WNT7A: variants seen among roughly 807,000 people sequenced by gnomAD.
The protein encoded by WNT7A is Wnt family member 7A, also known as protein Wnt-7a.
WNT7A carries 16 observed loss-of-function variants against 28.2 expected under a neutral mutation model. That is an observed-to-expected ratio of 0.57 (90% confidence interval 0.38 to 0.86). The LOEUF (loss-of-function observed/expected upper bound fraction) is 0.86, where lower values mean the gene tolerates loss of function less well. WNT7A is among the 40% of genes least tolerant of loss of function. WNT7A has a pLI of 0.00. For synonymous variants in WNT7A, 190 were observed against 195.9 expected, an observed-to-expected ratio of 0.97 and a Z score of 0.25; for missense variants, 411 against 489.7, an observed-to-expected ratio of 0.84 and a Z score of 1.52.
chr3:13,863,217 C>T (rs1694860010), intron 2 of WNT7A, among the ~76,000 whole-genome samples: 3 of 152,188 alleles, frequency 2.0e-5, no homozygotes. Flanking sequence ...CTCCCAAGTT[C>T]CCTACTCTGA....
chr3:13,843,432 A>G (rs951028836), intron 3 of WNT7A, among the ~76,000 whole-genome samples: 1 of 152,136 alleles, frequency 6.6e-6, no homozygotes, highest in Non-Finnish European at 1.5e-5. Context: ...TGACTGCCCA[A>G]GGGCACACAG....
At chr3:13,846,336 G>A (rs1415007818) in intron 3 of WNT7A, among the ~76,000 whole-genome samples, 21 of 152,176 alleles carry the variant, frequency 1.4e-4, no homozygotes, top group Admixed American at 1.3e-3. Flanking sequence ...GGGGATAAAG[G>A]CATCTGAGTC....
At chr3:13,832,478 T>A (rs1020047537) in intron 3 of WNT7A, among the ~76,000 whole-genome samples, 1 of 150,952 alleles carries the variant, frequency 6.6e-6, no homozygotes, top group African/African-American at 2.4e-5. Flanking sequence ...CTCTTCCTCC[T>A]CCTCCCCCTC....
intron 3 of WNT7A, among the ~76,000 whole-genome samples, chr3:13,853,844 A>C (rs2124858000): frequency 6.6e-6 from 1 of 152,316 alleles, no homozygotes; most frequent in Middle Eastern, 3.4e-3. Flanking sequence ...GGGAGAGGGA[A>C]GCCACGTGTC....
chr3:13,843,406 T>C (rs1019651087), intron 3 of WNT7A, among the ~76,000 whole-genome samples: 3 of 152,162 alleles, frequency 2.0e-5, no homozygotes, highest in Non-Finnish European at 4.4e-5. Context: ...ATGAGGAAAC[T>C]GAGGCTTGAG....
chr3:13,874,288 A>G (rs62234581), intron 2 of WNT7A, among the ~76,000 whole-genome samples: 1 of 151,852 alleles, frequency 6.6e-6, no homozygotes, highest in African/African-American at 2.4e-5. Context: ...GGAGACCAGC[A>G]TTGCTCTCTC....
chr3:13,829,574 C>T lies in WNT7A; in HGVS notation c.571-10151G>A, dbSNP rs765615318. Among the ~76,000 whole-genome samples, 6 of 152,238 alleles carry T rather than the reference C, an allele frequency of 3.9e-5. 1 individual carries two copies. Among genetic ancestry groups the T allele is most frequent in the South Asian group, 4.2e-4 (2 of 4,816 alleles). ...GGCGCTGTGGGGCGGAAGGAGCCAT[C>T]GGATGGAGGTCCTGCTTCTGTCTGT... On this transcript the variant is annotated intron_variant, in intron 3 of 3. Coordinates refer to ENST00000285018, the MANE Select transcript of WNT7A (RefSeq NM_004625.4).
chr3:13,820,474 G>A (rs1041650413), intron 3 of WNT7A, among the ~76,000 whole-genome samples: 4 of 151,978 alleles, frequency 2.6e-5, no homozygotes, highest in African/African-American at 9.7e-5. Flanking sequence ...CTGAGGCAAG[G>A]GGCTTGGAGC....
intron 3 of WNT7A, among the ~76,000 whole-genome samples, chr3:13,845,234 C>T (rs568078183): frequency 3.9e-5 from 6 of 152,228 alleles, no homozygotes; most frequent in Non-Finnish European, 7.4e-5. Flanking sequence ...GAGCTTCCAC[C>T]GCAGCTAAGA....
chr3:13,857,582 A>C (rs1694766337), intron 2 of WNT7A, among the ~76,000 whole-genome samples: 1 of 152,120 alleles, frequency 6.6e-6, no homozygotes, highest in Non-Finnish European at 1.5e-5. Context: ...ATCCCCCTGC[A>C]TGCTCCAAGG....
chr3:13,841,392 C>G (rs191985911), intron 3 of WNT7A, among the ~76,000 whole-genome samples: 2 of 152,328 alleles, frequency 1.3e-5, no homozygotes, highest in African/African-American at 4.8e-5. Context: ...AGCAAGAATG[C>G]AGCCTCTGGA....
At chr3:13,846,855 C>G (rs1435304085) in intron 3 of WNT7A, among the ~76,000 whole-genome samples, 1 of 152,182 alleles carries the variant, frequency 6.6e-6, no homozygotes, top group Non-Finnish European at 1.5e-5. Flanking sequence ...GTGTTCAGCG[C>G]CTCCTCAGGG....
At chr3:13,821,730 TG>T (rs1689292547) in intron 3 of WNT7A, among the ~76,000 whole-genome samples, 1 of 152,180 alleles carries the variant, frequency 6.6e-6, no homozygotes, top group Non-Finnish European at 1.5e-5. Context: ...TGGATAGTAT[TG>T]TTTAGGAGCC....
intron 3 of WNT7A, among the ~76,000 whole-genome samples, chr3:13,821,713 A>G (rs2163911): frequency 0.7 from 107,137 of 152,072 alleles, 38,881 homozygotes; most frequent in East Asian, 0.89. Flanking sequence ...TCAAAGGCAG[A>G]CAAAACTGGA....
intron 2 of WNT7A, among the ~76,000 whole-genome samples, chr3:13,856,302 C>T (rs1017062964): frequency 4.6e-5 from 7 of 152,254 alleles, no homozygotes; most frequent in African/African-American, 1.7e-4. Context: ...AGAGTGCCAG[C>T]GCCTGCCTGA....
chr3:13,835,188 T>A (rs565292757), intron 3 of WNT7A, among the ~76,000 whole-genome samples: 1 of 152,064 alleles, frequency 6.6e-6, no homozygotes, highest in African/African-American at 2.4e-5. Context: ...GGCGGGGTCT[T>A]TGTCCTGATG....
In WNT7A at chr3:13,818,881, T is replaced by C; in HGVS notation, c.*63A>G. On this transcript the variant is annotated 3_prime_UTR_variant, in exon 4 of 4. Transcript: ENST00000285018. ...GCATCCTGCCAGGGAGCCCGCAGCT[T>C]GGAAACGGTCCAGTCCTCCCAGCAA... The C allele has an allele frequency of 6.6e-7, 1 of 1,517,386 alleles. No homozygotes were observed. Among genetic ancestry groups the C allele is most frequent in the Non-Finnish European group, 8.8e-7 (1 of 1,130,378 alleles). The allele number at this position is 1,517,386 out of a possible 1,614,324, so 94.0% of individuals were successfully genotyped here. A position where few individuals can be genotyped will look rare whatever the true frequency, so the allele number is the denominator to read the frequency against.
In WNT7A at chr3:13,875,100, G is replaced by T. The variant is rs1290597204; in HGVS notation, c.145C>A (p.Arg49=). Reference sequence around the variant, plus strand: ...TCGGGCCGGCTCTGGCAGATCGCCCGCTGTCTGGGAGCCAGGCCTGGGATC... The same window carrying T: ...TCGGGCCGGCTCTGGCAGATCGCCCTCTGTCTGGGAGCCAGGCCTGGGATC... The part of the protein sequence containing the change: ...NKIPGLAPRQ[R]AICQSRPDAI... The change falls in exon 2 of 4, where the codon CGG becomes AGG. Residue 49 remains arginine, a synonymous_variant. Transcript: ENST00000285018. 6.2e-7 allele frequency: 1 copy of T among 1,614,194 alleles called. No individual in the cohort carries two copies.
rs1246258357 is a variant in WNT7A, at chr3:13,819,181, G to A, written c.813C>T (p.Ile271=). The change falls in exon 4 of 4, where the codon ATC becomes ATT. Residue 271 remains isoleucine (I), a synonymous_variant. Transcript: ENST00000285018. ...RKPMDTDLVY[I]EKSPNYCEED... ...CCTCGCAGTAGTTGGGCGACTTCTC[G>A]ATGTACACCAGGTCCGTGTCCATGG... 2 of 1,614,238 alleles carry A rather than the reference G, an allele frequency of 1.2e-6. No homozygotes were observed. The highest frequency in any genetic ancestry group is 1.7e-5 in the Admixed American group (1 of 60,030).
Sources: allele counts gnomAD v4.1 joint callset (sites outside exome capture counted in the v4.1 genomes callset), GRCh38; gene constraint gnomAD v4.1.1; transcripts MANE v1.5; gene names NCBI Gene and HGNC (gene_info 2026-07-23, HGNC 2026-07-21).